The following BBX variants were observed in gnomAD, a reference collection of about 807,000 sequenced individuals.
BBX encodes HMG box transcription factor BBX.
Under a neutral mutation model 100.2 loss-of-function variants are expected in BBX, and 30 were observed. That is an observed-to-expected ratio of 0.30 (90% CI 0.22 to 0.41). The LOEUF is 0.41. Among genes scored for constraint, BBX ranks in the 10% least tolerant of loss-of-function variants. BBX has a pLI of 1.00. For synonymous variants in BBX, 376 were observed against 388.1 expected, an observed-to-expected ratio of 0.97 and a Z score of 0.37; for missense variants, 1,023 against 1,129.8, an observed-to-expected ratio of 0.91 and a Z score of 1.35.
intron 3 of BBX, among the ~76,000 whole-genome samples, chr3:107,703,493 A>G (rs1052903988): frequency 6.6e-6 from 1 of 152,128 alleles, no homozygotes. Flanking sequence ...AAAACTACAT[A>G]TTTCTTTATG....
intron 2 of BBX, among the ~76,000 whole-genome samples, chr3:107,554,616 C>T: frequency 6.6e-6 from 1 of 152,128 alleles, no homozygotes; most frequent in Non-Finnish European, 1.5e-5. Context: ...TTAATTTATT[C>T]TGTCTAGTTT....
At position 107,601,756 on chromosome 3, in the gene BBX, C is replaced by T. The variant is rs372403032; in HGVS notation, c.-83-44080C>T. Among the ~76,000 whole-genome samples the T allele has an allele frequency of 6.6e-5, 10 of 152,300 alleles. No individual in the cohort carries two copies. The South Asian group carries it at 1.9e-3, about 28-fold the overall frequency. On this transcript the variant is annotated intron_variant, in intron 2 of 17. Coordinates refer to ENST00000325805, the MANE Select transcript of BBX (RefSeq NM_001142568.3). The stretch of plus-strand genomic sequence containing the variant: ...GATGGAGAAGCTACAGCAAGTTATC[C>T]AGAAGATCTAGATAAGACTATTGAT...
intron 10 of BBX, among the ~76,000 whole-genome samples, chr3:107,756,510 A>T (rs2065489673): frequency 6.6e-6 from 1 of 151,962 alleles, no homozygotes; most frequent in African/African-American, 2.4e-5. Context: ...AATTTTTTGT[A>T]GTTTATTTAA....
chr3:107,703,578 C>T (rs529446148), intron 3 of BBX, among the ~76,000 whole-genome samples: 1 of 152,298 alleles, frequency 6.6e-6, no homozygotes, highest in South Asian at 2.1e-4. Flanking sequence ...TATTAGTATT[C>T]ATGAAGAGCA....
chr3:107,639,498 C>T (rs1457235935), intron 2 of BBX, among the ~76,000 whole-genome samples: 2 of 152,156 alleles, frequency 1.3e-5, no homozygotes, highest in Admixed American at 6.5e-5. Flanking sequence ...GCTTCCCTGT[C>T]GTTATTCCTG....
chr3:107,677,668 A>G (rs958377632), intron 3 of BBX, among the ~76,000 whole-genome samples: 3 of 152,178 alleles, frequency 2.0e-5, no homozygotes, highest in Admixed American at 6.5e-5. Context: ...TTTTTCAAGC[A>G]TGTTTAAGCT....
At chr3:107,778,554 C>A in intron 13 of BBX, 35 bp downstream of exon 13, 1 of 1,604,464 alleles carries the variant, frequency 6.2e-7, no homozygotes, top group Non-Finnish European at 8.5e-7. Flanking sequence ...GCCATGTGGT[C>A]AGAATCTCAA....
At chr3:107,529,829 T>C (rs552659686) in intron 2 of BBX, among the ~76,000 whole-genome samples, 1 of 152,290 alleles carries the variant, frequency 6.6e-6, no homozygotes, top group Admixed American at 6.5e-5. Flanking sequence ...TCTTCATTTT[T>C]TTTTTTTTGC....
At chr3:107,719,752 G>A (rs763654164) in intron 5 of BBX, among the ~76,000 whole-genome samples, 3 of 152,022 alleles carry the variant, frequency 2.0e-5, no homozygotes, top group Non-Finnish European at 4.4e-5. Flanking sequence ...ATTTTTGAAT[G>A]TGTGACTGCC....
At chr3:107,595,272 G>C (rs1036875626) in intron 2 of BBX, among the ~76,000 whole-genome samples, 5 of 152,182 alleles carry the variant, frequency 3.3e-5, no homozygotes, top group Admixed American at 2.0e-4. Context: ...GATCAAGTGA[G>C]AATATAATAA....
At chr3:107,780,174 A>C (rs1490670145) in intron 13 of BBX, among the ~76,000 whole-genome samples, 1 of 152,068 alleles carries the variant, frequency 6.6e-6, no homozygotes, top group Admixed American at 6.6e-5. Context: ...CATGAGCCCA[A>C]AGATACCAAG....
At chr3:107,756,125 A>G (rs920240407) in intron 10 of BBX, among the ~76,000 whole-genome samples, 1 of 152,122 alleles carries the variant, frequency 6.6e-6, no homozygotes, top group Non-Finnish European at 1.5e-5. Context: ...TATAAGATCA[A>G]TCAGTTGTAC....
intron 2 of BBX, among the ~76,000 whole-genome samples, chr3:107,623,669 G>A (rs944557932): frequency 1.1e-4 from 16 of 152,148 alleles, no homozygotes. Flanking sequence ...GGAATAGAAA[G>A]TTATGAATAT....
intron 3 of BBX, among the ~76,000 whole-genome samples, chr3:107,692,327 C>T (rs1055534176): frequency 4.6e-5 from 7 of 152,018 alleles, no homozygotes; most frequent in Non-Finnish European, 1.0e-4. Context: ...GTATACCTCT[C>T]AATGCTATCC....
chr3:107,657,250 A>G (rs536637073), intron 3 of BBX: 15 of 152,284 alleles, frequency 9.9e-5, no homozygotes, highest in African/African-American at 3.1e-4. Flanking sequence ...TGAAGGTTAT[A>G]CTCTGGATCT....
At chr3:107,523,955 A>T (rs2047553216) in intron 1 of BBX, among the ~76,000 whole-genome samples, 1 of 128,734 alleles carries the variant, frequency 7.8e-6, no homozygotes, top group Non-Finnish European at 1.6e-5. Context: ...GAAGAGGGCG[A>T]GGGAGAAGGG....
At chr3:107,569,906 T>A (rs1165344088) in intron 2 of BBX, among the ~76,000 whole-genome samples, 1 of 152,210 alleles carries the variant, frequency 6.6e-6, no homozygotes, top group African/African-American at 2.4e-5. Context: ...AGTCTTCAGC[T>A]ATTAAGCTGA....
intron 16 of BBX, 54 bp from the exon 17 acceptor site, chr3:107,801,041 T>C: frequency 6.5e-7 from 1 of 1,539,946 alleles, no homozygotes; most frequent in East Asian, 2.3e-5. Context: ...TCTATGTCTC[T>C]TCTCTGGAGA....
intron 10 of BBX, among the ~76,000 whole-genome samples, chr3:107,762,737 GC>G (rs1430049679): frequency 5.9e-5 from 9 of 152,188 alleles, no homozygotes; most frequent in African/African-American, 2.2e-4. Flanking sequence ...TTTTAATCTG[GC>G]CAACTCCTTT....
Sources: allele counts gnomAD v4.1 joint callset (sites outside exome capture counted in the v4.1 genomes callset), GRCh38; gene constraint gnomAD v4.1.1; transcripts MANE v1.5; gene names NCBI Gene and HGNC (gene_info 2026-07-23, HGNC 2026-07-21).